AGO3: variants seen among roughly 807,000 people sequenced by gnomAD.
AGO3 encodes the protein argonaute RISC catalytic component 3.
A neutral mutation model predicts 105.5 loss-of-function variants in AGO3; 16 were observed. That is an observed-to-expected ratio of 0.15 (90% CI 0.10 to 0.23). The LOEUF is 0.23. Among genes scored for constraint, AGO3 ranks in the 10% least tolerant of loss-of-function variants. The pLI is 1.00. For synonymous variants in AGO3, 340 were observed against 367.3 expected (o/e 0.93, Z 0.85); for missense variants, 534 against 1,088.0 (o/e 0.49, Z 7.16).
chr1:35,951,278 C>G (rs1261766299), intron 2 of AGO3, among the ~76,000 whole-genome samples: 1 of 152,146 alleles, frequency 6.6e-6, no homozygotes, highest in East Asian at 1.9e-4. Context: ...GCTCAGTTTT[C>G]TTTTACAAAT....
chr1:35,945,204 TTTTCTTTTC>T (rs927760030), intron 1 of AGO3, among the ~76,000 whole-genome samples: 2 of 137,230 alleles, frequency 1.5e-5, no homozygotes, highest in African/African-American at 6.1e-5. Context: ...TACTCTTTTC[TTTTCTTTTC>T]TTTTTTTTTT....
chr1:36,007,861 C>G (rs773963982), intron 6 of AGO3, among the ~76,000 whole-genome samples: 1 of 152,092 alleles, frequency 6.6e-6, no homozygotes, highest in African/African-American at 2.4e-5. Context: ...AAATTCATCT[C>G]GAAGAACTTC....
At chr1:35,987,023 G>T (rs1217307652) in intron 5 of AGO3, among the ~76,000 whole-genome samples, 3 of 146,106 alleles carry the variant, frequency 2.1e-5, no homozygotes, top group African/African-American at 5.0e-5. Context: ...AGAAAATGTT[G>T]GGGGTGAGTA....
chr1:36,057,369 AAC>A lies in AGO3; in HGVS notation c.*1628_*1629del, dbSNP rs1642953210. 1 of 151,798 alleles carries A rather than the reference AAC, an allele frequency of 6.6e-6. No individual in the cohort carries two copies. The highest frequency in any genetic ancestry group is 2.4e-5 in the African/African-American group (1 of 41,362). The allele number at this position is 151,798 out of a possible 1,614,324, so 9.4% of individuals were successfully genotyped here. ...ATATATATGTATGTGTGTGTATATAAACACATATGTATGTGTTTGGAAGTATA... is the reference window on the plus strand; with the variant it reads ...ATATATATGTATGTGTGTGTATATAAACATATGTATGTGTTTGGAAGTATA... On this transcript the variant is annotated 3_prime_UTR_variant, in exon 19 of 19. Transcript: ENST00000373191.
chr1:36,021,760 A>T (rs1020551426), intron 11 of AGO3, among the ~76,000 whole-genome samples: 1 of 152,214 alleles, frequency 6.6e-6, no homozygotes, highest in Non-Finnish European at 1.5e-5. Flanking sequence ...AGCCAAGGTG[A>T]TCATTAAAAG....
In AGO3 at chr1:35,937,957, T is replaced by C. The variant is rs556378534; in HGVS notation, c.19+6512T>C. 2.0e-3 allele frequency among the ~76,000 whole-genome samples: 301 copies of C among 152,184 alleles called. 1 individual carries two copies. The highest frequency in any genetic ancestry group is 2.1e-3 in the Non-Finnish European group (146 of 68,000). Reference sequence around the variant, plus strand: ...TTTTGAGATCAACACAATATATTTCTTTTTCCAAAACAAAAATGTATTCTT... The same window carrying C: ...TTTTGAGATCAACACAATATATTTCCTTTTCCAAAACAAAAATGTATTCTT... On this transcript the variant is annotated intron_variant, in intron 1 of 18. Transcript: ENST00000373191.
chr1:35,936,416 TTTTG>T (rs532714406), intron 1 of AGO3, among the ~76,000 whole-genome samples: 38 of 152,288 alleles, frequency 2.5e-4, no homozygotes, highest in East Asian at 3.9e-4. Flanking sequence ...ATTCCTTGTT[TTTTG>T]TTTGTTTGTT....
chr1:36,013,516 C>A (rs1301100300), intron 9 of AGO3, 114 bp from the exon 10 acceptor site: 12 of 1,367,948 alleles, frequency 8.8e-6, no homozygotes, highest in Middle Eastern at 2.4e-4. Context: ...ATTGATTAGA[C>A]CTGTTGGAAA....
rs1642991686 is a variant in AGO3 at position 36,058,973 on chromosome 1, C to T, written c.*3228C>T. 6.6e-6 allele frequency: 1 copy of T among 152,136 alleles called. No homozygotes were observed. The highest frequency in any genetic ancestry group is 6.5e-5 in the Admixed American group (1 of 15,270). The allele number at this position is 152,136 out of a possible 1,614,324, so 9.4% of individuals were successfully genotyped here. ...ACATCTTCCTTTATCATGGGAGCTG[C>T]ACAGATTCATGTGGGAAACTTTAGG... is the stretch of plus-strand genomic sequence containing the variant. On this transcript the variant is annotated 3_prime_UTR_variant, in exon 19 of 19. Coordinates refer to ENST00000373191, the MANE Select transcript of AGO3 (RefSeq NM_024852.4).
At chr1:35,933,887 C>T (rs1482350851) in intron 1 of AGO3, among the ~76,000 whole-genome samples, 1 of 151,684 alleles carries the variant, frequency 6.6e-6, no homozygotes. Context: ...TAGGGAACCT[C>T]GAACACAAAT....
At chr1:35,936,582 A>T (rs1181909184) in intron 1 of AGO3, among the ~76,000 whole-genome samples, 1 of 152,156 alleles carries the variant, frequency 6.6e-6, no homozygotes, top group East Asian at 1.9e-4. Flanking sequence ...TCGGCCTCCC[A>T]GAGTGCTGGG....
At chr1:36,052,907 G>T (rs901222543) in intron 17 of AGO3, among the ~76,000 whole-genome samples, 14 of 152,124 alleles carry the variant, frequency 9.2e-5, no homozygotes, top group Admixed American at 7.9e-4. Context: ...AGCTACTCCG[G>T]AGGCTGAGGG....
At position 36,021,860 on chromosome 1, in the gene AGO3, T is replaced by C. The variant is rs545812854; in HGVS notation, c.1407-5254T>C. 3.9e-5 allele frequency among the ~76,000 whole-genome samples: 6 copies of C among 152,124 alleles called. No homozygotes were observed. The South Asian group carries it at 1.2e-3, about 32-fold the overall frequency. ...CTGAAAAAGACAATATGATACAGAATCTATCTCTCCTTCTTTCCTCTCTCT... is the reference window on the plus strand; with the variant it reads ...CTGAAAAAGACAATATGATACAGAACCTATCTCTCCTTCTTTCCTCTCTCT... On this transcript the variant is annotated intron_variant, in intron 11 of 18. Coordinates refer to ENST00000373191, the MANE Select transcript of AGO3 (RefSeq NM_024852.4).
At chr1:35,938,557 A>G (rs1646196299) in intron 1 of AGO3, among the ~76,000 whole-genome samples, 1 of 152,166 alleles carries the variant, frequency 6.6e-6, no homozygotes, top group Non-Finnish European at 1.5e-5. Flanking sequence ...TAATAGTATA[A>G]TAATTTATAC....
In AGO3 at chr1:36,064,622, C is replaced by T. The variant is rs911724065; in HGVS notation, c.*8877C>T. 1 of 151,974 alleles carries T rather than the reference C, an allele frequency of 6.6e-6. No homozygotes were observed. Among genetic ancestry groups the T allele is most frequent in the Non-Finnish European group, 1.5e-5 (1 of 68,004 alleles). 9.4% of individuals were successfully genotyped at this position (151,974 alleles called of 1,614,324 possible). ...GAGAGGCAAGGAAATGGGAAAGTGT[C>T]AGGTAATTATAAATGGGAAAATTTT... On this transcript the variant is annotated 3_prime_UTR_variant, in exon 19 of 19. Transcript: ENST00000373191.
chr1:35,966,679 A>C (rs1571443650), intron 2 of AGO3, among the ~76,000 whole-genome samples: 1 of 152,244 alleles, frequency 6.6e-6, no homozygotes, highest in East Asian at 1.9e-4. Context: ...ATTTTGAATC[A>C]CTTTCTAAGA....
intron 2 of AGO3, among the ~76,000 whole-genome samples, chr1:35,963,177 A>G (rs1224040886): frequency 6.6e-6 from 1 of 152,132 alleles, no homozygotes; most frequent in Non-Finnish European, 1.5e-5. Flanking sequence ...TCATAAGGGG[A>G]CATGTAAGGA....
intron 5 of AGO3, among the ~76,000 whole-genome samples, chr1:35,981,206 G>A (rs908077401): frequency 5.9e-5 from 9 of 152,012 alleles, no homozygotes; most frequent in African/African-American, 9.7e-5. Flanking sequence ...GAAATGTCGC[G>A]GTGCCTTTTT....
intron 17 of AGO3, among the ~76,000 whole-genome samples, chr1:36,053,745 A>ATTTTTT (rs71034711): frequency 4.8e-4 from 39 of 81,288 alleles, no homozygotes; most frequent in African/African-American, 1.6e-3. Flanking sequence ...CACCTGGCTA[A>ATTTTTT]TTTTTTTTTT....
Sources: allele counts gnomAD v4.1 joint callset (sites outside exome capture counted in the v4.1 genomes callset), GRCh38; gene constraint gnomAD v4.1.1; transcripts MANE v1.5; gene names NCBI Gene and HGNC (gene_info 2026-07-23, HGNC 2026-07-21).